Variants in SCML2 observed in about 807,000 individuals in gnomAD.
The protein encoded by SCML2 is sex comb on midleg-like protein 2.
Under a neutral mutation model 48.4 loss-of-function variants are expected in SCML2, and 6 were observed. The observed-to-expected ratio is 0.12, with a 90% CI of 0.07 to 0.24. SCML2 has a LOEUF of 0.24. Ranked by LOEUF, SCML2 falls within the 10% of genes least tolerant of loss-of-function variation. The probability of loss-of-function intolerance (pLI) is 1.00; values close to 1 mark genes in which losing one functional copy is unlikely to be tolerated. For missense variants in SCML2, 377 were observed against 528.2 expected (o/e 0.71, Z 2.81); for synonymous variants, 181 against 189.5 (o/e 0.95, Z 0.37).
intron 5 of SCML2, 62 bp downstream of exon 5, chrX:18,323,797 A>C: frequency 1.1e-6 from 1 of 912,270 alleles, no homozygotes. Flanking sequence ...AGGCCACTTA[A>C]AGCCATTTCT....
chrX:18,249,784 T>C (rs1034554692), intron 11 of SCML2, among the ~76,000 whole-genome samples: 18 of 111,489 alleles, frequency 1.6e-4, no homozygotes, highest in African/African-American at 5.9e-4. Flanking sequence ...CTGGCTGACC[T>C]TGAGGCTCTG....
chrX:18,272,169 G>A (rs1212774086), intron 7 of SCML2, among the ~76,000 whole-genome samples: 1 of 111,601 alleles, frequency 9.0e-6, no homozygotes, highest in East Asian at 2.8e-4. Flanking sequence ...TTAAACATTC[G>A]TAACAACCAA....
At chrX:18,317,789 G>A (rs1449599513) in intron 6 of SCML2, among the ~76,000 whole-genome samples, 6 of 99,252 alleles carry the variant, frequency 6.0e-5, no homozygotes, top group Non-Finnish European at 8.0e-5. Flanking sequence ...AGCCGAGATC[G>A]CGCCACTGCA....
At position 18,240,185 on chromosome X, in the gene SCML2, G is replaced by A. The variant is rs1187396471; in HGVS notation, c.*1066C>T. 3 of 111,596 alleles carry A rather than the reference G, an allele frequency of 2.7e-5. No individual in the cohort carries two copies. The highest frequency in any genetic ancestry group is 5.6e-4 in the East Asian group (2 of 3,556). 9.2% of individuals were successfully genotyped at this position (111,596 alleles called of 1,213,427 possible). ...CTGAGAGGTACTGGTGATAGCAAAC[G>A]ATGGACATATATTTTTTACGAAATC... On this transcript the variant is annotated 3_prime_UTR_variant, in exon 15 of 15. Coordinates refer to ENST00000251900, the MANE Select transcript of SCML2 (RefSeq NM_006089.3).
intron 1 of SCML2, among the ~76,000 whole-genome samples, chrX:18,340,974 A>T (rs1392979802): frequency 9.0e-6 from 1 of 111,618 alleles, no homozygotes; most frequent in Admixed American, 9.6e-5. Context: ...ATCATTTCCT[A>T]TATAATTTTT....
intron 2 of SCML2, among the ~76,000 whole-genome samples, chrX:18,331,468 T>G (rs940679757): frequency 1.8e-5 from 2 of 110,257 alleles, no homozygotes; most frequent in African/African-American, 3.3e-5. Flanking sequence ...CAAATAACAC[T>G]GGACCTGGTA....
Position 18,241,226 on chromosome X carries a change from G to A in SCML2, c.*25C>T, listed in dbSNP as rs763875532. 3.2e-5 allele frequency: 37 copies of A among 1,150,203 alleles called. No homozygotes were observed. Among genetic ancestry groups the A allele is most frequent in the Non-Finnish European group, 4.3e-5 (37 of 854,677 alleles). 94.8% of individuals were successfully genotyped at this position (1,150,203 alleles called of 1,213,427 possible). ...TGTTAACAGTACACCTGAGAATTAT[G>A]TCCAATCTAAACTTACACATTTTTT... On this transcript the variant is annotated 3_prime_UTR_variant, in exon 15 of 15. Coordinates refer to ENST00000251900, the MANE Select transcript of SCML2 (RefSeq NM_006089.3).
intron 7 of SCML2, among the ~76,000 whole-genome samples, chrX:18,288,674 TA>T (rs1371878074): frequency 1.8e-5 from 2 of 111,977 alleles, no homozygotes; most frequent in South Asian, 7.5e-4. Context: ...AATTACAATA[TA>T]AAAAAACTTT....
intron 7 of SCML2, among the ~76,000 whole-genome samples, chrX:18,295,532 C>T (rs778363989): frequency 2.9e-4 from 31 of 108,760 alleles, no homozygotes; most frequent in African/African-American, 5.0e-4. Flanking sequence ...GCCCAAAAGT[C>T]GTCCTATCAC....
intron 7 of SCML2, among the ~76,000 whole-genome samples, chrX:18,277,895 G>T (rs1664721783): frequency 9.0e-6 from 1 of 110,754 alleles, no homozygotes; most frequent in South Asian, 4.0e-4. Context: ...AGCTGGGTGT[G>T]GTAGCTCACA....
intron 10 of SCML2, 135 bp from the exon 11 acceptor site, chrX:18,257,165 T>C: frequency 2.6e-6 from 1 of 390,357 alleles, no homozygotes; most frequent in East Asian, 4.5e-5. Flanking sequence ...AAAGGAATGA[T>C]CTTATATTAT....
At chrX:18,255,316 T>G (rs1420853520) in intron 11 of SCML2, among the ~76,000 whole-genome samples, 1 of 112,115 alleles carries the variant, frequency 8.9e-6, no homozygotes, top group African/African-American at 3.2e-5. Flanking sequence ...GGCTCAGTAC[T>G]TTGTCTATGG....
At position 18,257,041 on chromosome X, in the gene SCML2, A is replaced by T; in HGVS notation, c.1274-11T>A. On this transcript the variant is annotated splice_polypyrimidine_tract_variant and intron_variant, in intron 10 of 14. Transcript: ENST00000251900. The stretch of plus-strand genomic sequence containing the variant: ...CCCCATCAAAGGAGGCTATTGGGGG[A>T]AAAAAAAGGATGTCAGTAACCTCAG... 1 of 1,092,984 alleles carries T rather than the reference A, an allele frequency of 9.1e-7. No individual in the cohort carries two copies. The highest frequency in any genetic ancestry group is 1.2e-6 in the Non-Finnish European group (1 of 823,143). 90.1% of individuals were successfully genotyped at this position (1,092,984 alleles called of 1,213,427 possible). A position where few individuals can be genotyped will look rare whatever the true frequency, so the allele number is the denominator to read the frequency against.
chrX:18,348,630 G>A (rs1930277132), intron 1 of SCML2, among the ~76,000 whole-genome samples: 1 of 111,522 alleles, frequency 9.0e-6, no homozygotes, highest in Admixed American at 9.6e-5. Context: ...AATGACCAAA[G>A]ATGCCGTGTT....
At chrX:18,288,188 T>TA (rs962442929) in intron 7 of SCML2, among the ~76,000 whole-genome samples, 1 of 109,847 alleles carries the variant, frequency 9.1e-6, no homozygotes, top group African/African-American at 3.3e-5. Context: ...ATGCTACTGT[T>TA]AAAAAAAAAT....
intron 7 of SCML2, among the ~76,000 whole-genome samples, chrX:18,284,669 T>C (rs1465778778): frequency 8.9e-6 from 1 of 112,266 alleles, no homozygotes; most frequent in African/African-American, 3.2e-5. Context: ...TCACTAATTA[T>C]CAGAGAAATG....
At chrX:18,275,819 G>A (rs909621245) in intron 7 of SCML2, among the ~76,000 whole-genome samples, 1 of 112,009 alleles carries the variant, frequency 8.9e-6, no homozygotes, top group Non-Finnish European at 1.9e-5. Flanking sequence ...AATACTCATC[G>A]ACCAACTTAA....
intron 1 of SCML2, among the ~76,000 whole-genome samples, chrX:18,349,085 A>C (rs1930291254): frequency 8.9e-6 from 1 of 112,479 alleles, no homozygotes. Flanking sequence ...TGTATTCTAA[A>C]CACAACCAAA....
intron 7 of SCML2, among the ~76,000 whole-genome samples, chrX:18,299,390 C>A (rs931970104): frequency 9.1e-6 from 1 of 110,483 alleles, no homozygotes; most frequent in Non-Finnish European, 1.9e-5. Context: ...TAGTGGCACA[C>A]GCCTGTAGTA....
Sources: allele counts gnomAD v4.1 joint callset (sites outside exome capture counted in the v4.1 genomes callset), GRCh38; gene constraint gnomAD v4.1.1; transcripts MANE v1.5; gene names NCBI Gene and HGNC (gene_info 2026-07-23, HGNC 2026-07-21).